The following UBE2Q1 variants were observed in gnomAD, a reference collection of about 807,000 sequenced individuals.
UBE2Q1 encodes the protein ubiquitin conjugating enzyme E2 Q1.
Under a neutral mutation model 60.1 loss-of-function variants are expected in UBE2Q1, and 6 were observed. The ratio of observed to expected loss-of-function variants is 0.10; its 90% confidence interval spans 0.05 to 0.20. UBE2Q1 has a LOEUF of 0.20. Among genes scored for constraint, UBE2Q1 ranks in the 10% least tolerant of loss-of-function variants. The pLI is 1.00. For synonymous variants in UBE2Q1, 226 were observed against 208.3 expected (o/e 1.09, Z -0.73); for missense variants, 262 against 525.8 (o/e 0.50, Z 4.91).
chr1:154,554,879 G>A (rs1253110125), intron 3 of UBE2Q1, 94 bp from the exon 4 acceptor site: 19 of 1,326,010 alleles, frequency 1.4e-5, no homozygotes, highest in Non-Finnish European at 2.0e-5. Context: ...AGGTCTGGAA[G>A]TTGTGCGCCT....
At chr1:154,550,693 T>A in intron 12 of UBE2Q1, 1 of 985,340 alleles carries the variant, frequency 1.0e-6, no homozygotes, top group Non-Finnish European at 1.2e-6. Flanking sequence ...ATGAGCTTTT[T>A]CAAAAGGTGG....
chr1:154,556,030 G>A (rs558058532), intron 1 of UBE2Q1, 66 bp from the exon 2 acceptor site: 1 of 1,425,720 alleles, frequency 7.0e-7, no homozygotes, highest in Non-Finnish European at 9.9e-7. Context: ...GATTTTGCCT[G>A]TCCTCTTCCC....
rs137942282 is a variant in UBE2Q1 at position 154,551,932 on chromosome 1, G to A, written c.1014C>T (p.Val338=). Reference sequence around the variant, plus strand: ...TGCCAGCCACTCACCCTCCAGAGAGGACTGGAGACACAACCCTGACAAATG... The same window carrying A: ...TGCCAGCCACTCACCCTCCAGAGAGAACTGGAGACACAACCCTGACAAATG... ...DPPFVRVVSP[V]LSGGYVLGGG... is the part of the protein sequence containing the mutation. Residue 338 remains valine (V), a synonymous_variant, in exon 9 of 13, where the codon GTC becomes GTT. Coordinates refer to ENST00000292211, the MANE Select transcript of UBE2Q1 (RefSeq NM_017582.7). The A allele has an allele frequency of 5.6e-6, 9 of 1,614,028 alleles. No homozygotes were observed. The highest frequency in any genetic ancestry group is 1.6e-4 in the Middle Eastern group (1 of 6,084).
Position 154,552,121 on chromosome 1 carries a change from T to G in UBE2Q1, c.938A>C (p.Asp313Ala), listed in dbSNP as rs1197670799. The G allele has an allele frequency of 1.2e-6, 2 of 1,614,202 alleles. No homozygotes were observed. The highest frequency in any genetic ancestry group is 4.5e-5 in the East Asian group (2 of 44,888). The part of the protein sequence containing the change: ...LQILKEKEGA[D>A]FILLNFSFKD... Reference sequence around the variant, plus strand: ...AAAGGAAAAGTTAAGTAGAATGAAGTCGGCTCCTTCTTTCTCTTTGAGGAT... The same window carrying G: ...AAAGGAAAAGTTAAGTAGAATGAAGGCGGCTCCTTCTTTCTCTTTGAGGAT... Residue 313 changes from aspartate (D) to alanine (A), a missense_variant, in exon 8 of 13, where the codon GAC becomes GCC. By Grantham distance (126) the Asp-to-Ala change is moderately radical (BLOSUM62 -2). Around this residue, in one of 5 missense-constraint regions of UBE2Q1, gnomAD observed 111 missense variants for 266.8 expected, o/e 0.42. Transcript: ENST00000292211.
intron 1 of UBE2Q1, among the ~76,000 whole-genome samples, chr1:154,556,870 C>G (rs1695898497): frequency 6.6e-6 from 1 of 152,188 alleles, no homozygotes; most frequent in African/African-American, 2.4e-5. Flanking sequence ...AATTCAGGAA[C>G]AAAATTAACT....
Position 154,552,153 on chromosome 1 carries a change from A to G in UBE2Q1, c.906T>C (p.Asp302=). 1 of 1,614,174 alleles carries G rather than the reference A, an allele frequency of 6.2e-7. No homozygotes were observed. Among genetic ancestry groups the G allele is most frequent in the Non-Finnish European group, 8.5e-7 (1 of 1,180,024 alleles). The change falls in exon 8 of 13, where the codon GAT becomes GAC. Residue 302 remains aspartate (D), a synonymous_variant. Coordinates refer to ENST00000292211, the MANE Select transcript of UBE2Q1 (RefSeq NM_017582.7). ...KVDQDSALHN[D]LQILKEKEGA... ...CTTCTTTCTCTTTGAGGATCTGGAG[A>G]TCGTTGTGCAAAGCGCTGTCCTGGT...
At position 154,555,846 on chromosome 1, in the gene UBE2Q1, T is replaced by C. The variant is rs1300528165; in HGVS notation, c.432+14A>G. 1.2e-6 allele frequency: 2 copies of C among 1,611,912 alleles called. No individual in the cohort carries two copies. The highest frequency in any genetic ancestry group is 2.2e-5 in the South Asian group (2 of 91,038). On this transcript the variant is annotated intron_variant, in intron 2 of 12. Transcript: ENST00000292211. The stretch of plus-strand genomic sequence containing the variant: ...ATAAGAACAAAATGTACCCCTACCC[T>C]GTGGCCCCCTCACCAGAGTATTCCC...
intron 4 of UBE2Q1, among the ~76,000 whole-genome samples, chr1:154,554,218 G>A (rs776567539): frequency 6.6e-6 from 1 of 152,200 alleles, no homozygotes; most frequent in Non-Finnish European, 1.5e-5. Context: ...GCAGAGCTAA[G>A]ATTCAGTCAA....
At chr1:154,550,764 G>A in intron 12 of UBE2Q1, 174 bp downstream of exon 12, 1 of 985,422 alleles carries the variant, frequency 1.0e-6, no homozygotes, top group African/African-American at 1.7e-5. Flanking sequence ...GTTTCTGGAA[G>A]AGGTTGTGAA....
chr1:154,556,108 T>C, intron 1 of UBE2Q1, 144 bp from the exon 2 acceptor site: 1 of 615,306 alleles, frequency 1.6e-6, no homozygotes, highest in Non-Finnish European at 2.8e-6. Flanking sequence ...CCAACTTAGG[T>C]CAGCATCTAA....
intron 11 of UBE2Q1, 35 bp from the exon 12 acceptor site, chr1:154,551,039 T>C (rs749197122): frequency 6.2e-7 from 1 of 1,611,138 alleles, no homozygotes; most frequent in South Asian, 1.1e-5. Flanking sequence ...AGGCCATGGC[T>C]AGCTGTGGCC....
At chr1:154,554,691 C>T (rs1161460632) in intron 4 of UBE2Q1, 44 bp downstream of exon 4, 4 of 1,603,118 alleles carry the variant, frequency 2.5e-6, no homozygotes, top group East Asian at 4.5e-5. Context: ...ATGTTGCTGA[C>T]TGCAAGAGCT....
At chr1:154,555,569 C>T (rs1695868544) in intron 2 of UBE2Q1, 37 bp from the exon 3 acceptor site, 2 of 1,582,708 alleles carry the variant, frequency 1.3e-6, no homozygotes, top group Admixed American at 1.7e-5. Flanking sequence ...CAAATCCTTC[C>T]CCACTCCGAT....
In UBE2Q1 at chr1:154,550,315, G is replaced by A. The variant is rs2149361080; in HGVS notation, c.*123C>T. On this transcript the variant is annotated 3_prime_UTR_variant, in exon 13 of 13. Coordinates refer to ENST00000292211, the MANE Select transcript of UBE2Q1 (RefSeq NM_017582.7). ...AGCCATCATTGTCCTGCAATAGGCA[G>A]AGCTATCACGTCCAGGAAAAATGAG... The A allele has an allele frequency of 1.6e-6, 2 of 1,284,710 alleles. No homozygotes were observed. Among genetic ancestry groups the A allele is most frequent in the Non-Finnish European group, 2.2e-6 (2 of 895,976 alleles). The allele number at this position is 1,284,710 out of a possible 1,614,324, so 79.6% of individuals were successfully genotyped here. A position where few individuals can be genotyped will look rare whatever the true frequency, so the allele number is the denominator to read the frequency against.
intron 2 of UBE2Q1, 78 bp from the exon 3 acceptor site, chr1:154,555,610 T>C (rs4078519): frequency 0.97 from 1,373,437 of 1,409,290 alleles, 676,035 homozygotes; most frequent in East Asian, 1. Context: ...GCTCTTAGTT[T>C]GGGCCCCACA....
chr1:154,556,262 G>A (rs1220886195), intron 1 of UBE2Q1, among the ~76,000 whole-genome samples: 3 of 152,088 alleles, frequency 2.0e-5, no homozygotes, highest in Admixed American at 6.5e-5. Context: ...GGCTAACAGC[G>A]AAGGGGGACT....
intron 2 of UBE2Q1, 128 bp downstream of exon 2, chr1:154,555,732 C>T (rs766749249): frequency 3.1e-6 from 3 of 953,472 alleles, no homozygotes; most frequent in Non-Finnish European, 4.8e-6. Flanking sequence ...GTAAGCAACT[C>T]CCCCGAGAGG....
chr1:154,556,674 C>A (rs1365856838), intron 1 of UBE2Q1, among the ~76,000 whole-genome samples: 1 of 152,216 alleles, frequency 6.6e-6, no homozygotes, highest in Non-Finnish European at 1.5e-5. Flanking sequence ...TGCAGCCTGA[C>A]CAGACTCCCT....
rs1695928389 is a variant in UBE2Q1 at position 154,558,312 on chromosome 1, G to C, written c.242C>G (p.Ala81Gly). Reference sequence around the variant, plus strand: ...CGGTCCGGGCGCGGCCCCCGCCCCGGCCCCTCCGGCCCCAGCCAGCAGGAA... The same window carrying C: ...CGGTCCGGGCGCGGCCCCCGCCCCGCCCCCTCCGGCCCCAGCCAGCAGGAA... ...CEFLLAGAGG[A>G]GAGAAPGPHL... Residue 81 changes from alanine to glycine, a missense_variant, in exon 1 of 13, where the codon GCC (alanine) becomes GGC (glycine). Around this residue, in one of 5 missense-constraint regions of UBE2Q1, gnomAD observed 49 missense variants for 32.5 expected, o/e 1.51. Transcript: ENST00000292211. The C allele has an allele frequency of 6.3e-7, 1 of 1,578,458 alleles. No individual in the cohort carries two copies.
Sources: gnomAD v4.1 joint callset for allele counts (sites outside exome capture counted in the v4.1 genomes callset) on GRCh38, gnomAD v4.1.1 for gene constraint, gnomAD v4.1.1 regional missense constraint, MANE v1.5 for transcripts, NCBI Gene and HGNC (gene_info 2026-07-23, HGNC 2026-07-21) for gene names.